OSBP: variants seen among roughly 807,000 people sequenced by gnomAD.
The protein encoded by OSBP is oxysterol-binding protein 1.
In OSBP, 32 loss-of-function variants were observed where a neutral mutation model predicts 96.6. That is an observed-to-expected ratio of 0.33 (90% CI 0.25 to 0.45). OSBP has a LOEUF of 0.45. Among genes scored for constraint, OSBP ranks in the 20% least tolerant of loss-of-function variants. The pLI is 1.00. For synonymous variants in OSBP, 369 were observed against 389.6 expected (o/e 0.95, Z 0.62); for missense variants, 653 against 1,029.7 (o/e 0.63, Z 5.01).
At chr11:59,584,748 C>A (rs1860472580) in intron 9 of OSBP, among the ~76,000 whole-genome samples, 2 of 152,142 alleles carry the variant, frequency 1.3e-5, no homozygotes, top group South Asian at 4.1e-4. Flanking sequence ...AGGATGCCCA[C>A]TTTCACTGCT....
chr11:59,598,065 C>A (rs1860679893), intron 7 of OSBP, among the ~76,000 whole-genome samples: 1 of 152,166 alleles, frequency 6.6e-6, no homozygotes. Flanking sequence ...GTCTTGAAGT[C>A]TTGGACTCAA....
chr11:59,596,209 C>T (rs375215592), intron 7 of OSBP, among the ~76,000 whole-genome samples: 29 of 152,018 alleles, frequency 1.9e-4, no homozygotes, highest in Admixed American at 3.3e-4. Context: ...AGGGGTGGCG[C>T]GCTGCAAAAG....
rs770126797 is a variant in OSBP at position 59,594,028 on chromosome 11, G to A, written c.1539C>T (p.Tyr513=). Residue 513 remains tyrosine, a synonymous_variant, in exon 8 of 14, where the codon TAC becomes TAT. Coordinates refer to ENST00000263847, the MANE Select transcript of OSBP (RefSeq NM_002556.3). ...FELDRLEENG[Y]RSLCEQVSHH... ...CCTTTACCTGTTCACAGAGGGATCGGTACCCATTCTCCTCTAATCGGTCCA... is the reference window on the plus strand; with the variant it reads ...CCTTTACCTGTTCACAGAGGGATCGATACCCATTCTCCTCTAATCGGTCCA... 14 of 1,613,946 alleles carry A rather than the reference G, an allele frequency of 8.7e-6. No individual in the cohort carries two copies. The African/African-American group carries it at 1.5e-4, about 17-fold the overall frequency.
intron 7 of OSBP, 116 bp downstream of exon 7, chr11:59,600,380 A>G (rs1860707985): frequency 8.9e-7 from 1 of 1,119,762 alleles, no homozygotes; most frequent in Non-Finnish European, 1.3e-6. Context: ...TTATAAAGGT[A>G]AAAAAGACCA....
intron 9 of OSBP, among the ~76,000 whole-genome samples, chr11:59,591,069 G>A (rs1032610406): frequency 5.3e-5 from 8 of 152,106 alleles, no homozygotes; most frequent in East Asian, 1.9e-4. Context: ...ACAGGATCCC[G>A]GTGATCCAAA....
intron 9 of OSBP, among the ~76,000 whole-genome samples, chr11:59,589,851 C>A (rs938447363): frequency 6.6e-6 from 1 of 151,908 alleles, no homozygotes; most frequent in South Asian, 2.1e-4. Context: ...GGTGCGGTGG[C>A]GGGCACCTGT....
rs1860715863 is a variant in OSBP at position 59,600,953 on chromosome 11, G to C, written c.1125-80C>G. On this transcript the variant is annotated intron_variant, in intron 5 of 13. Coordinates refer to ENST00000263847, the MANE Select transcript of OSBP (RefSeq NM_002556.3). ...GTCCTGGACATTTCTTTACAAAGCA[G>C]AATGCCAAGTACACTGTATAAACTT... The C allele has an allele frequency of 1.8e-5, 21 of 1,199,968 alleles. No individual in the cohort carries two copies. In the South Asian group the frequency reaches 2.6e-4, roughly 15 times the overall value. 74.3% of individuals were successfully genotyped at this position (1,199,968 alleles called of 1,614,324 possible).
chr11:59,585,134 C>T lies in OSBP; in HGVS notation c.1679-3580G>A, dbSNP rs1418272738. Among the ~76,000 whole-genome samples, 4 of 151,006 alleles carry T rather than the reference C, an allele frequency of 2.6e-5. No individual in the cohort carries two copies. In the East Asian group the frequency reaches 7.9e-4, roughly 30 times the overall value. On this transcript the variant is annotated intron_variant, in intron 9 of 13. Transcript: ENST00000263847. ...GTGAGGAGCCCCTCTGCCTGGCTGC[C>T]CAGTCTGGAAAGTGAGGAGCGTCTC...
At chr11:59,578,046 A>AT (rs1848083390) in intron 12 of OSBP, 103 bp downstream of exon 12, 2 of 1,070,452 alleles carry the variant, frequency 1.9e-6, no homozygotes, top group South Asian at 2.9e-5. Context: ...CCCTTGCTCA[A>AT]TTCCCCACAT....
intron 13 of OSBP, 25 bp downstream of exon 13, chr11:59,576,780 G>A: frequency 6.2e-7 from 1 of 1,612,838 alleles, no homozygotes; most frequent in Non-Finnish European, 8.5e-7. Context: ...CATCAAGAAA[G>A]AAGAGTAGAA....
intron 9 of OSBP, among the ~76,000 whole-genome samples, chr11:59,587,157 G>A (rs1860509186): frequency 1.3e-5 from 2 of 151,984 alleles, no homozygotes; most frequent in African/African-American, 4.8e-5. Context: ...AATATACGGA[G>A]AACTCCTAAA....
intron 9 of OSBP, among the ~76,000 whole-genome samples, chr11:59,583,766 G>A (rs192918502): frequency 1.6e-3 from 235 of 143,988 alleles, no homozygotes; most frequent in African/African-American, 5.8e-3. Context: ...TCAGCCTCCC[G>A]AGTAGCTGGG....
chr11:59,603,541 T>TG (rs1304213105), intron 3 of OSBP, among the ~76,000 whole-genome samples: 1 of 148,398 alleles, frequency 6.7e-6, no homozygotes, highest in Non-Finnish European at 1.5e-5. Flanking sequence ...TTTTTTTTTT[T>TG]TTTTTTTTTT....
chr11:59,591,627 C>CTT (rs530339994), intron 9 of OSBP, among the ~76,000 whole-genome samples: 12 of 139,030 alleles, frequency 8.6e-5, no homozygotes, highest in Non-Finnish European at 1.6e-4. Context: ...TTTTCTTTTC[C>CTT]TTTTTTTTTT....
intron 9 of OSBP, among the ~76,000 whole-genome samples, chr11:59,592,921 G>A (rs76892256): frequency 0.012 from 1,758 of 151,530 alleles, 59 homozygotes; most frequent in East Asian, 0.059. Flanking sequence ...TCAGCCTCCC[G>A]AGTAGCTGAG....
At chr11:59,592,519 T>C (rs1049060329) in intron 9 of OSBP, among the ~76,000 whole-genome samples, 1 of 152,222 alleles carries the variant, frequency 6.6e-6, no homozygotes, top group Non-Finnish European at 1.5e-5. Context: ...CAGGGAGTTA[T>C]GGTAAGCTCT....
chr11:59,615,055 A>C (rs901653260), intron 1 of OSBP, among the ~76,000 whole-genome samples: 1 of 152,236 alleles, frequency 6.6e-6, no homozygotes, highest in African/African-American at 2.4e-5. Flanking sequence ...AATGACTGGA[A>C]AGGCCGGGAG....
chr11:59,599,826 T>C (rs189038307), intron 7 of OSBP, among the ~76,000 whole-genome samples: 2 of 152,310 alleles, frequency 1.3e-5, no homozygotes, highest in East Asian at 3.9e-4. Flanking sequence ...TGACTAGAAC[T>C]TGGGATGCGT....
intron 3 of OSBP, 72 bp from the exon 4 acceptor site, chr11:59,601,910 T>C (rs117390846): frequency 1.4e-5 from 19 of 1,363,442 alleles, no homozygotes; most frequent in Non-Finnish European, 1.8e-5. Flanking sequence ...GCAAGCCCAT[T>C]GAGTAACCTT....
Sources: gnomAD v4.1 joint callset for allele counts (sites outside exome capture counted in the v4.1 genomes callset) on GRCh38, gnomAD v4.1.1 for gene constraint, MANE v1.5 for transcripts, NCBI Gene and HGNC (gene_info 2026-07-23, HGNC 2026-07-21) for gene names.